Variants in JDP2 observed in about 807,000 individuals in gnomAD.
JDP2 encodes progesterone receptor co-activator.
Under a neutral mutation model 17.1 loss-of-function variants are expected in JDP2, and 9 were observed. The ratio of observed to expected loss-of-function variants is 0.53; its 90% CI spans 0.32 to 0.92. The LOEUF is 0.92. JDP2 is among the 40% of genes least tolerant of loss of function. The pLI, the probability that JDP2 is intolerant of heterozygous loss-of-function variation, is 0.04. For synonymous variants in JDP2, 107 were observed against 95.6 expected (o/e 1.12, Z -0.69); for missense variants, 179 against 220.0 (o/e 0.81, Z 1.18).
chr14:75,447,250 G>A (rs149686213), intron 2 of JDP2, among the ~76,000 whole-genome samples: 30 of 152,298 alleles, frequency 2.0e-4, no homozygotes, highest in East Asian at 1.7e-3. Context: ...TTGAAGGAGC[G>A]AGGACATCTG....
intron 1 of JDP2, among the ~76,000 whole-genome samples, chr14:75,429,013 G>T (rs1884667248): frequency 6.6e-6 from 1 of 152,134 alleles, no homozygotes; most frequent in Admixed American, 6.5e-5. Context: ...GGTTGTCGAG[G>T]GGTAGGGGTG....
intron 2 of JDP2, among the ~76,000 whole-genome samples, chr14:75,459,250 G>A (rs957701603): frequency 1.3e-5 from 2 of 152,222 alleles, no homozygotes; most frequent in South Asian, 2.1e-4. Context: ...CTGTCGTCAC[G>A]GTTACCTTGG....
At chr14:75,466,632 T>C (rs1305789350) in intron 3 of JDP2, among the ~76,000 whole-genome samples, 2 of 152,212 alleles carry the variant, frequency 1.3e-5, no homozygotes, top group Non-Finnish European at 2.9e-5. Flanking sequence ...TAGAGTTGGT[T>C]TGACACGTGG....
chr14:75,458,009 C>A (rs1357524998), intron 2 of JDP2, among the ~76,000 whole-genome samples: 1 of 152,168 alleles, frequency 6.6e-6, no homozygotes, highest in Non-Finnish European at 1.5e-5. Context: ...TTGTTGAGCC[C>A]CTCCTGAGTG....
At chr14:75,450,857 A>G (rs1489945080) in intron 2 of JDP2, among the ~76,000 whole-genome samples, 1 of 152,172 alleles carries the variant, frequency 6.6e-6, no homozygotes, top group Non-Finnish European at 1.5e-5. Flanking sequence ...TGTGAATAGA[A>G]TATAATACAG....
intron 3 of JDP2, among the ~76,000 whole-genome samples, chr14:75,464,407 A>G (rs1482477029): frequency 6.6e-6 from 1 of 152,192 alleles, no homozygotes; most frequent in African/African-American, 2.4e-5. Flanking sequence ...TATTCAGAAA[A>G]AAAAGCATCT....
chr14:75,431,081 T>C (rs1379412471), intron 1 of JDP2, among the ~76,000 whole-genome samples: 1 of 152,114 alleles, frequency 6.6e-6, no homozygotes, highest in Non-Finnish European at 1.5e-5. Context: ...CTTGTGTGTG[T>C]GTCTGTATTA....
chr14:75,447,529 G>A (rs147011991), intron 2 of JDP2, among the ~76,000 whole-genome samples: 2 of 152,166 alleles, frequency 1.3e-5, no homozygotes, highest in Non-Finnish European at 2.9e-5. Context: ...CACTGCCAAG[G>A]TGACAGCTGG....
At chr14:75,429,029 G>C (rs992726236) in intron 1 of JDP2, among the ~76,000 whole-genome samples, 22 of 152,228 alleles carry the variant, frequency 1.4e-4, no homozygotes, top group African/African-American at 5.1e-4. Flanking sequence ...GGGTGCAGTG[G>C]GGGGTGGGAG....
intron 2 of JDP2, among the ~76,000 whole-genome samples, chr14:75,455,047 G>C (rs1405895676): frequency 6.6e-6 from 1 of 152,196 alleles, no homozygotes; most frequent in Non-Finnish European, 1.5e-5. Context: ...GGACACCTTA[G>C]AGATGTATTT....
intron 2 of JDP2, among the ~76,000 whole-genome samples, chr14:75,442,201 T>C (rs932510696): frequency 4.6e-5 from 7 of 152,120 alleles, no homozygotes; most frequent in Non-Finnish European, 1.0e-4. Context: ...AAAATCACAG[T>C]GTGGTTTTCT....
At chr14:75,457,327 G>A (rs535032173) in intron 2 of JDP2, among the ~76,000 whole-genome samples, 2 of 152,374 alleles carry the variant, frequency 1.3e-5, no homozygotes, top group South Asian at 2.1e-4. Flanking sequence ...CTCTGGGGAC[G>A]AAGGAGCCCC....
At chr14:75,459,373 G>T (rs997545542) in intron 2 of JDP2, among the ~76,000 whole-genome samples, 5 of 152,232 alleles carry the variant, frequency 3.3e-5, no homozygotes, top group African/African-American at 1.2e-4. Flanking sequence ...TTCAAAGAAG[G>T]CCAAGGGACT....
At chr14:75,431,553 G>A (rs1036015709) in intron 1 of JDP2, among the ~76,000 whole-genome samples, 1 of 152,256 alleles carries the variant, frequency 6.6e-6, no homozygotes, top group Non-Finnish European at 1.5e-5. Context: ...CAGTGTCTGT[G>A]CAGCTGTGTT....
chr14:75,447,279 T>G (rs1411751740), intron 2 of JDP2, among the ~76,000 whole-genome samples: 1 of 152,302 alleles, frequency 6.6e-6, no homozygotes, highest in South Asian at 2.1e-4. Context: ...TCAGAAGTCA[T>G]ACACAAGCAA....
chr14:75,456,939 C>G (rs911710722), intron 2 of JDP2, among the ~76,000 whole-genome samples: 6 of 152,152 alleles, frequency 3.9e-5, no homozygotes, highest in African/African-American at 1.2e-4. Flanking sequence ...GTCTCTCCAT[C>G]CAATGTGAAG....
At position 75,470,202 on chromosome 14, in the gene JDP2, A is replaced by C. The variant is rs541470196; in HGVS notation, c.*727A>C. The C allele has an allele frequency of 3.8e-3, 575 of 149,588 alleles. 3 individuals carry two copies. The highest frequency in any genetic ancestry group is 6.1e-3 in the Non-Finnish European group (411 of 67,404). The allele number at this position is 149,588 out of a possible 1,614,324, so 9.3% of individuals were successfully genotyped here. A position where few individuals can be genotyped will look rare whatever the true frequency, so the allele number is the denominator to read the frequency against. ...TTTTTTTTTTTTTAATATTTTTTAC[A>C]AAAAAAAAGATTTTATACAAGCAAT... On this transcript the variant is annotated 3_prime_UTR_variant, in exon 4 of 4. Coordinates refer to ENST00000651602, the MANE Select transcript of JDP2 (RefSeq NM_001135048.2).
intron 2 of JDP2, among the ~76,000 whole-genome samples, chr14:75,459,781 G>C (rs1886274962): frequency 6.6e-6 from 1 of 152,172 alleles, no homozygotes; most frequent in African/African-American, 2.4e-5. Context: ...CTGGTCCTGG[G>C]TGTCCTTCAG....
chr14:75,438,049 C>G lies in JDP2; in HGVS notation c.129C>G (p.Leu43=). 6.2e-7 allele frequency: 1 copy of G among 1,614,034 alleles called. No homozygotes were observed. Among genetic ancestry groups the G allele is most frequent in the South Asian group, 1.1e-5 (1 of 91,024 alleles). ...EELKYADIRN[L]GAMIAPLHFL... is the part of the protein sequence containing the mutation. ...TGAAATACGCTGACATCCGCAACCT[C>G]GGGGCCATGATTGCACCCTTGCACT... Residue 43 remains leucine (L), a synonymous_variant, in exon 2 of 4, where the codon CTC becomes CTG. Transcript: ENST00000651602.
Sources: gnomAD v4.1 joint callset for allele counts (sites outside exome capture counted in the v4.1 genomes callset) on GRCh38, gnomAD v4.1.1 for gene constraint, MANE v1.5 for transcripts, NCBI Gene and HGNC (gene_info 2026-07-23, HGNC 2026-07-21) for gene names.